Variants in KIAA1217 observed in about 807,000 individuals in gnomAD.
The protein encoded by KIAA1217 is sickle tail protein homolog.
Under a neutral mutation model 163.9 loss-of-function variants are expected in KIAA1217, and 88 were observed. The ratio of observed to expected loss-of-function variants is 0.54; its 90% CI spans 0.45 to 0.64. The LOEUF is 0.64. Among genes scored for constraint, KIAA1217 ranks in the 30% least tolerant of loss-of-function variants. The pLI, the probability that KIAA1217 is intolerant of heterozygous loss-of-function variation, is 0.00. For missense variants in KIAA1217, 2,372 were observed against 2,475.0 expected (o/e 0.96, Z 0.88); for synonymous variants, 903 against 923.1 (o/e 0.98, Z 0.39).
chr10:24,022,161 A>G (rs957892531), intron 2 of KIAA1217, among the ~76,000 whole-genome samples: 5 of 151,656 alleles, frequency 3.3e-5, no homozygotes, highest in African/African-American at 1.2e-4. Context: ...GAATGAAAAG[A>G]CAAGCCACAC....
At chr10:23,891,066 G>C (rs575605273) in intron 1 of KIAA1217, among the ~76,000 whole-genome samples, 2 of 151,624 alleles carry the variant, frequency 1.3e-5, no homozygotes, top group South Asian at 2.1e-4. Flanking sequence ...TTTCTTATCC[G>C]GACTGTTCAC....
chr10:23,868,852 T>C (rs1008131006), intron 1 of KIAA1217, among the ~76,000 whole-genome samples: 1 of 152,156 alleles, frequency 6.6e-6, no homozygotes, highest in African/African-American at 2.4e-5. Context: ...TATTTTTGAA[T>C]ATTTGAAAAA....
intron 1 of KIAA1217, among the ~76,000 whole-genome samples, chr10:23,774,028 G>T (rs1180891205): frequency 6.6e-6 from 1 of 152,152 alleles, no homozygotes; most frequent in African/African-American, 2.4e-5. Context: ...GGGCATCCCT[G>T]TCTTGTGCCA....
chr10:23,867,078 C>T (rs1588978551), intron 1 of KIAA1217, among the ~76,000 whole-genome samples: 1 of 150,092 alleles, frequency 6.7e-6, no homozygotes, highest in African/African-American at 2.5e-5. Context: ...CAATTCCCAC[C>T]TATGAGTGAG....
chr10:23,727,249 C>T (rs1838214037), intron 1 of KIAA1217, among the ~76,000 whole-genome samples: 1 of 151,920 alleles, frequency 6.6e-6, no homozygotes. Flanking sequence ...TCTCGGCCTC[C>T]CAGGCATCTT....
chr10:24,409,785 A>T (rs868638998), intron 3 of KIAA1217, among the ~76,000 whole-genome samples: 58 of 152,010 alleles, frequency 3.8e-4, no homozygotes, highest in Admixed American at 3.3e-4. Context: ...CCACTCTATC[A>T]TTCTTATGCC....
At chr10:24,444,221 A>C (rs1038068098) in intron 5 of KIAA1217, among the ~76,000 whole-genome samples, 5 of 152,164 alleles carry the variant, frequency 3.3e-5, no homozygotes, top group Non-Finnish European at 7.3e-5. Context: ...CACGTTGACC[A>C]GGCTGGTCTC....
chr10:23,992,563 T>C (rs11013833), intron 1 of KIAA1217, among the ~76,000 whole-genome samples: 1 of 151,740 alleles, frequency 6.6e-6, no homozygotes, highest in Non-Finnish European at 1.5e-5. Flanking sequence ...GCATGAGATA[T>C]GTTTATTTGG....
At chr10:24,515,507 G>A (rs1023496614) in intron 10 of KIAA1217, among the ~76,000 whole-genome samples, 1 of 152,204 alleles carries the variant, frequency 6.6e-6, no homozygotes, top group Admixed American at 6.5e-5. Context: ...AAAGGTAGTG[G>A]AACGAACATA....
intron 5 of KIAA1217, among the ~76,000 whole-genome samples, chr10:24,444,353 G>A (rs2060746598): frequency 1.3e-5 from 2 of 152,138 alleles, no homozygotes; most frequent in Non-Finnish European, 2.9e-5. Context: ...CTTGTTTTTA[G>A]AGCCCAAATA....
intron 1 of KIAA1217, among the ~76,000 whole-genome samples, chr10:23,732,330 A>G (rs1838521726): frequency 6.6e-6 from 1 of 152,138 alleles, no homozygotes; most frequent in Non-Finnish European, 1.5e-5. Context: ...TTCACCAACC[A>G]TTGATCAAAA....
chr10:23,793,801 A>G (rs1362524611), intron 1 of KIAA1217, among the ~76,000 whole-genome samples: 2 of 152,154 alleles, frequency 1.3e-5, no homozygotes, highest in African/African-American at 4.8e-5. Flanking sequence ...GCACACCCCT[A>G]GCTGTGGACT....
chr10:24,006,734 T>C (rs549567338), intron 1 of KIAA1217, among the ~76,000 whole-genome samples: 115 of 152,336 alleles, frequency 7.5e-4, no homozygotes, highest in African/African-American at 2.6e-3. Context: ...AGCATGACCA[T>C]GACCATGTCT....
chr10:24,318,434 C>T (rs1411350689), intron 2 of KIAA1217, among the ~76,000 whole-genome samples: 2 of 152,180 alleles, frequency 1.3e-5, no homozygotes, highest in Non-Finnish European at 2.9e-5. Context: ...TCTAGACTGT[C>T]CTTGAACTTG....
intron 3 of KIAA1217, among the ~76,000 whole-genome samples, chr10:24,423,153 G>A (rs187500740): frequency 3.7e-4 from 57 of 152,132 alleles, no homozygotes; most frequent in African/African-American, 1.3e-3. Context: ...TCCTGACCTC[G>A]TGATCCACCT....
intron 1 of KIAA1217, among the ~76,000 whole-genome samples, chr10:23,903,477 T>G (rs796953679): frequency 5.9e-5 from 9 of 152,166 alleles, no homozygotes; most frequent in African/African-American, 1.4e-4. Flanking sequence ...AAAACTGTAG[T>G]GTTATGCCTA....
intron 2 of KIAA1217, among the ~76,000 whole-genome samples, chr10:24,272,601 C>T (rs972141224): frequency 6.6e-6 from 1 of 152,160 alleles, no homozygotes; most frequent in African/African-American, 2.4e-5. Flanking sequence ...GTACATAACT[C>T]GAATTCTAGC....
intron 2 of KIAA1217, among the ~76,000 whole-genome samples, chr10:24,186,839 A>G (rs1466109994): frequency 1.3e-5 from 2 of 152,194 alleles, no homozygotes; most frequent in African/African-American, 4.8e-5. Flanking sequence ...GCAGTGGGCC[A>G]AGACGGTGGC....
At chr10:23,774,588 C>G (rs1196808459) in intron 1 of KIAA1217, among the ~76,000 whole-genome samples, 3 of 152,174 alleles carry the variant, frequency 2.0e-5, no homozygotes. Flanking sequence ...TAGATGTGAG[C>G]ATCTCCAGGC....
Sources: gnomAD v4.1 joint callset for allele counts (sites outside exome capture counted in the v4.1 genomes callset) on GRCh38, gnomAD v4.1.1 for gene constraint, MANE v1.5 for transcripts, NCBI Gene and HGNC (gene_info 2026-07-23, HGNC 2026-07-21) for gene names.